The following RASGRF2 variants were observed in gnomAD, a reference collection of about 807,000 sequenced individuals.
RASGRF2 encodes the protein ras-specific guanine nucleotide-releasing factor 2.
RASGRF2 carries 76 observed loss-of-function variants against 151.0 expected under a neutral mutation model. That is an observed-to-expected ratio of 0.50 (90% CI 0.42 to 0.61). The LOEUF (loss-of-function observed/expected upper bound fraction) is 0.61. Ranked by LOEUF, RASGRF2 falls within the 20% of genes least tolerant of loss-of-function variation. The pLI is 0.00. For missense variants in RASGRF2, 1,148 were observed against 1,564.6 expected, an observed-to-expected ratio of 0.73 and a Z score of 4.49; for synonymous variants, 504 against 566.5, an observed-to-expected ratio of 0.89 and a Z score of 1.57.
chr5:81,002,073 G>C (rs1749099420), intron 1 of RASGRF2, among the ~76,000 whole-genome samples: 1 of 152,226 alleles, frequency 6.6e-6, no homozygotes, highest in African/African-American at 2.4e-5. Context: ...CAGTGGTCCA[G>C]TTGGTGAAAT....
intron 1 of RASGRF2, among the ~76,000 whole-genome samples, chr5:80,971,960 G>C: frequency 6.7e-6 from 1 of 149,952 alleles, no homozygotes; most frequent in Non-Finnish European, 1.5e-5. Context: ...CTGGCAAACT[G>C]TTGGGCTTAA....
intron 1 of RASGRF2, among the ~76,000 whole-genome samples, chr5:81,039,361 A>G (rs1039133547): frequency 3.9e-5 from 6 of 152,170 alleles, no homozygotes; most frequent in African/African-American, 1.4e-4. Context: ...ACACTAACCA[A>G]AAGACAAAAT....
Position 81,094,955 on chromosome 5 carries a change from G to T in RASGRF2, c.1718G>T (p.Arg573Leu), listed in dbSNP as rs751492644. 6.3e-7 allele frequency: 1 copy of T among 1,585,558 alleles called. No individual in the cohort carries two copies. Residue 573 changes from arginine (R) to leucine (L), a missense_variant, in exon 12 of 27, where the codon CGC becomes CTC. By Grantham distance (102) the Arg-to-Leu change is moderately radical. Coordinates refer to ENST00000265080, the MANE Select transcript of RASGRF2 (RefSeq NM_006909.3). ...AFTVVLLAPS[R>L]QEKAAWMSDI... The stretch of plus-strand genomic sequence containing the variant: ...ACTGTTGTCTTGTTAGCACCCTCAC[G>T]CCAGGAGAAAGCTGCCTGGATGAGT...
At chr5:81,126,878 A>G (rs1753469868) in intron 16 of RASGRF2, among the ~76,000 whole-genome samples, 196 bp from the exon 17 acceptor site, 1 of 151,808 alleles carries the variant, frequency 6.6e-6, no homozygotes, top group South Asian at 2.1e-4. Context: ...GTGTAGATGT[A>G]TGCTTTCTTT....
At chr5:81,128,330 C>T (rs1055092349) in intron 17 of RASGRF2, among the ~76,000 whole-genome samples, 6 of 152,200 alleles carry the variant, frequency 3.9e-5, no homozygotes, top group Admixed American at 3.3e-4. Flanking sequence ...TGTTAGTTAG[C>T]TTGACTTAAT....
chr5:81,125,420 C>T (rs1210662008), intron 16 of RASGRF2, among the ~76,000 whole-genome samples: 1 of 152,108 alleles, frequency 6.6e-6, no homozygotes, highest in Non-Finnish European at 1.5e-5. Context: ...TATGGGTTAT[C>T]CTGCCATTTG....
intron 9 of RASGRF2, among the ~76,000 whole-genome samples, chr5:81,090,022 A>C (rs1187637416): frequency 6.6e-6 from 1 of 152,210 alleles, no homozygotes; most frequent in African/African-American, 2.4e-5. Flanking sequence ...TGGAAATGTA[A>C]GTCAGGAAAA....
intron 1 of RASGRF2, among the ~76,000 whole-genome samples, chr5:80,994,096 C>T (rs1416709123): frequency 2.0e-5 from 3 of 152,032 alleles, no homozygotes; most frequent in East Asian, 3.8e-4. Flanking sequence ...GGGCCCCCTG[C>T]GAAGTACACT....
chr5:81,053,367 C>T (rs571309872), intron 2 of RASGRF2, among the ~76,000 whole-genome samples: 91 of 145,316 alleles, frequency 6.3e-4, no homozygotes, highest in African/African-American at 2.2e-3. Flanking sequence ...TGAGTGAGAA[C>T]ATGCGGTGTT....
chr5:81,071,552 C>T (rs1217174421), intron 4 of RASGRF2, among the ~76,000 whole-genome samples: 1 of 151,962 alleles, frequency 6.6e-6, no homozygotes, highest in African/African-American at 2.4e-5. Flanking sequence ...TTAAATATTG[C>T]TCAGAATTTG....
intron 17 of RASGRF2, among the ~76,000 whole-genome samples, chr5:81,153,293 A>G (rs1754178840): frequency 6.6e-6 from 1 of 152,242 alleles, no homozygotes; most frequent in South Asian, 2.1e-4. Flanking sequence ...GCTGATCGTC[A>G]GATAGGAAGA....
intron 1 of RASGRF2, among the ~76,000 whole-genome samples, chr5:81,042,227 A>G (rs1448329533): frequency 6.6e-6 from 1 of 152,148 alleles, no homozygotes; most frequent in Non-Finnish European, 1.5e-5. Flanking sequence ...CTTACATTAC[A>G]CCTCTGCCAA....
rs559273802 is a variant in RASGRF2 at position 80,960,603 on chromosome 5, C to A, written c.-136C>A. 3.4e-6 allele frequency: 3 copies of A among 882,510 alleles called. No individual in the cohort carries two copies. The highest frequency in any genetic ancestry group is 3.4e-5 in the East Asian group (1 of 29,094). 54.7% of individuals were successfully genotyped at this position (882,510 alleles called of 1,614,324 possible). On this transcript the variant is annotated 5_prime_UTR_variant, in exon 1 of 27. Transcript: ENST00000265080. This position sits in a 1 kb window ranked among gnomAD's most constrained non-coding sequence, Gnocchi z 5.5. Reference sequence around the variant, plus strand: ...TCCCGAAAGCGGGCGGGGTGCCCTGCGCGCGGCGTGGGGAAAGGGGGCGCC... The same window carrying A: ...TCCCGAAAGCGGGCGGGGTGCCCTGAGCGCGGCGTGGGGAAAGGGGGCGCC...
chr5:81,003,374 C>T (rs1212135176), intron 1 of RASGRF2, among the ~76,000 whole-genome samples: 2 of 152,156 alleles, frequency 1.3e-5, no homozygotes, highest in Non-Finnish European at 2.9e-5. Flanking sequence ...AGGTGCCCAC[C>T]ACCACGCCCA....
At chr5:81,055,441 G>C (rs993452396) in intron 2 of RASGRF2, among the ~76,000 whole-genome samples, 1 of 151,956 alleles carries the variant, frequency 6.6e-6, no homozygotes, top group African/African-American at 2.4e-5. Context: ...ATTGATTTTG[G>C]GTATGTTGAA....
chr5:81,001,871 T>C (rs193033125), intron 1 of RASGRF2, among the ~76,000 whole-genome samples: 130 of 152,338 alleles, frequency 8.5e-4, no homozygotes, highest in African/African-American at 3.0e-3. Flanking sequence ...CTATGTTAAA[T>C]AGAAGGGAAT....
intron 1 of RASGRF2, among the ~76,000 whole-genome samples, chr5:81,020,948 G>A (rs1466650610): frequency 1.3e-5 from 2 of 152,112 alleles, no homozygotes; most frequent in East Asian, 3.9e-4. Context: ...CTTGCTCCAG[G>A]TCTCATAACT....
intron 12 of RASGRF2, among the ~76,000 whole-genome samples, chr5:81,099,907 C>CTTT (rs577876645): frequency 3.4e-4 from 42 of 125,020 alleles, no homozygotes; most frequent in African/African-American, 8.2e-4. Context: ...TTTCTTTTTT[C>CTTT]TTTTTTTTTT....
In RASGRF2 at chr5:81,113,577, A is replaced by C. The variant is rs1220382799; in HGVS notation, c.2127A>C (p.Arg709Ser). ...ELFFATSQNN[R>S]GEHLVDGKSP... is the part of the protein sequence containing the mutation. ...TTTTTGCTACCAGCCAGAACAACAG[A>C]GGTGAACATTTGGTGGATGGCAAAT... The change falls in exon 15 of 27, where the codon AGA becomes AGC. Residue 709 changes from arginine (R) to serine (S), a missense_variant. By Grantham distance (110) the Arg-to-Ser change is moderately radical (BLOSUM62 -1). Around this residue, in one of 5 missense-constraint regions of RASGRF2, gnomAD observed 646 missense variants for 807.4 expected, o/e 0.80. Transcript: ENST00000265080. 1 of 1,610,340 alleles carries C rather than the reference A, an allele frequency of 6.2e-7. No homozygotes were observed. Among genetic ancestry groups the C allele is most frequent in the African/African-American group, 1.3e-5 (1 of 74,836 alleles).
Sources: allele counts gnomAD v4.1 joint callset (sites outside exome capture counted in the v4.1 genomes callset), GRCh38; gene constraint gnomAD v4.1.1; regional missense constraint gnomAD v4.1.1; non-coding constraint Gnocchi (gnomAD v3.1); transcripts MANE v1.5; gene names NCBI Gene and HGNC (gene_info 2026-07-23, HGNC 2026-07-21).